The following AKAP13 variants were observed in gnomAD, a reference collection of about 807,000 sequenced individuals.
AKAP13 encodes the protein A-kinase anchoring protein 13, also known as A-kinase anchor protein 13.
Under a neutral mutation model 264.5 loss-of-function variants are expected in AKAP13, and 80 were observed. The ratio of observed to expected loss-of-function variants is 0.30; its 90% CI spans 0.25 to 0.36. The LOEUF (loss-of-function observed/expected upper bound fraction) is 0.36, where lower values mean the gene tolerates loss of function less well. AKAP13 is among the 10% of genes least tolerant of loss of function. The pLI, the probability that AKAP13 is intolerant of heterozygous loss-of-function variation, is 1.00. For missense variants in AKAP13, 3,712 were observed against 3,435.2 expected, an observed-to-expected ratio of 1.08 and a Z score of -2.01; for synonymous variants, 1,380 against 1,250.2, an observed-to-expected ratio of 1.10 and a Z score of -2.19.
rs1373883495 is a variant in AKAP13, at chr15:85,590,767, C to T, written c.4161+4944C>T. Among the ~76,000 whole-genome samples the T allele has an allele frequency of 3.9e-5, 6 of 152,300 alleles. No individual in the cohort carries two copies. In the East Asian group the frequency reaches 1.2e-3, roughly 29 times the overall value. ...ATTGCAATTTAATATTCATCATTAC[C>T]TCCACCTGTATGCTTTACTGGTTTG... On this transcript the variant is annotated intron_variant, in intron 8 of 36. Transcript: ENST00000394518.
At chr15:85,531,066 C>G (rs12708554) in intron 3 of AKAP13, among the ~76,000 whole-genome samples, 72,933 of 151,840 alleles carry the variant, frequency 0.48, 18,137 homozygotes, top group Middle Eastern at 0.6. Context: ...TTGCCATGTT[C>G]GCCAGGCTGG....
chr15:85,698,881 T>C (rs1597100961), intron 17 of AKAP13, among the ~76,000 whole-genome samples: 1 of 143,776 alleles, frequency 7.0e-6, no homozygotes, highest in Admixed American at 7.3e-5. Flanking sequence ...GAGGCAGAGG[T>C]TGCAGTGAGC....
At chr15:85,586,920 A>G (rs1380800835) in intron 8 of AKAP13, among the ~76,000 whole-genome samples, 8 of 111,176 alleles carry the variant, frequency 7.2e-5, no homozygotes, top group African/African-American at 2.8e-4. Flanking sequence ...AGAGCACGAC[A>G]CCTTCTCAAA....
chr15:85,663,211 A>G (rs374957414), intron 12 of AKAP13, among the ~76,000 whole-genome samples: 1 of 152,030 alleles, frequency 6.6e-6, no homozygotes, highest in East Asian at 1.9e-4. Context: ...CTGGGAGGCT[A>G]AGGCAGGAGA....
chr15:85,520,733 G>A (rs371606537), intron 2 of AKAP13: 13 of 518,718 alleles, frequency 2.5e-5, no homozygotes, highest in African/African-American at 2.3e-4. Context: ...AGTTGAACAT[G>A]TTCCAGGAGC....
chr15:85,687,305 C>T (rs2084993764), intron 16 of AKAP13, among the ~76,000 whole-genome samples: 1 of 152,150 alleles, frequency 6.6e-6, no homozygotes, highest in Non-Finnish European at 1.5e-5. Context: ...TGTTACTATA[C>T]AGCGTAATTT....
At chr15:85,535,301 T>A (rs2077353713) in intron 4 of AKAP13, 1 of 152,210 alleles carries the variant, frequency 6.6e-6, no homozygotes, top group Non-Finnish European at 1.5e-5. Flanking sequence ...ATTTAACAGT[T>A]AAACCTGTGG....
intron 2 of AKAP13, among the ~76,000 whole-genome samples, chr15:85,506,909 C>A (rs1291151312): frequency 6.6e-6 from 1 of 152,132 alleles, no homozygotes; most frequent in African/African-American, 2.4e-5. Context: ...TTGAATACAC[C>A]GTGTTTGTTC....
At chr15:85,413,305 T>A (rs1341830685) in intron 1 of AKAP13, among the ~76,000 whole-genome samples, 1 of 152,238 alleles carries the variant, frequency 6.6e-6, no homozygotes, top group Non-Finnish European at 1.5e-5. Flanking sequence ...ACTGGAAGAC[T>A]GTGGGCTTAG....
chr15:85,587,647 ATTTTATT>A (rs1286609697), intron 8 of AKAP13, among the ~76,000 whole-genome samples: 2 of 151,812 alleles, frequency 1.3e-5, no homozygotes, highest in Admixed American at 1.3e-4. Flanking sequence ...CTTTTATTTT[ATTTTATT>A]TTTTATTTTT....
At chr15:85,670,198 C>T (rs913424806) in intron 14 of AKAP13, among the ~76,000 whole-genome samples, 1 of 152,070 alleles carries the variant, frequency 6.6e-6, no homozygotes, top group Non-Finnish European at 1.5e-5. Context: ...ACGTCCAGTC[C>T]TCAAATGTTA....
chr15:85,711,451 G>A (rs758482731), intron 19 of AKAP13, among the ~76,000 whole-genome samples: 22 of 151,956 alleles, frequency 1.4e-4, no homozygotes, highest in Non-Finnish European at 2.8e-4. Context: ...TGAAAAAAAT[G>A]TATTATTTTG....
intron 1 of AKAP13, among the ~76,000 whole-genome samples, chr15:85,434,410 G>T (rs2073173188): frequency 6.6e-6 from 1 of 152,228 alleles, no homozygotes; most frequent in Non-Finnish European, 1.5e-5. Context: ...GCCCGCCATT[G>T]CCCAGGCTTG....
At chr15:85,414,868 A>C (rs1310818137) in intron 1 of AKAP13, among the ~76,000 whole-genome samples, 1 of 152,172 alleles carries the variant, frequency 6.6e-6, no homozygotes, top group African/African-American at 2.4e-5. Flanking sequence ...GATGTGACTA[A>C]AATGGTCTGG....
intron 8 of AKAP13, among the ~76,000 whole-genome samples, chr15:85,617,135 G>C (rs2080971047): frequency 6.6e-6 from 1 of 152,088 alleles, no homozygotes; most frequent in Non-Finnish European, 1.5e-5. Context: ...TATTTATTTT[G>C]CTTGCCTCCA....
At chr15:85,668,301 A>C (rs1223924574) in intron 13 of AKAP13, among the ~76,000 whole-genome samples, 1 of 152,210 alleles carries the variant, frequency 6.6e-6, no homozygotes, top group Non-Finnish European at 1.5e-5. Context: ...TCAATATGTG[A>C]GTCATAAGGA....
At chr15:85,552,708 A>G (rs1596504696) in intron 5 of AKAP13, among the ~76,000 whole-genome samples, 1 of 149,166 alleles carries the variant, frequency 6.7e-6, no homozygotes, top group South Asian at 2.1e-4. Context: ...GCTCACTGCA[A>G]CCTCCGCCTC....
chr15:85,659,563 G>A (rs2083245415), intron 12 of AKAP13, among the ~76,000 whole-genome samples: 1 of 152,152 alleles, frequency 6.6e-6, no homozygotes, highest in Non-Finnish European at 1.5e-5. Flanking sequence ...TGTTAAATAA[G>A]TTTTAACCCC....
chr15:85,710,514 C>G, intron 18 of AKAP13, 65 bp from the exon 19 acceptor site: 1 of 1,523,638 alleles, frequency 6.6e-7, no homozygotes, highest in South Asian at 1.2e-5. Flanking sequence ...TTGCTCCCTT[C>G]CTACTCGGCT....
Sources: allele counts gnomAD v4.1 joint callset (sites outside exome capture counted in the v4.1 genomes callset), GRCh38; gene constraint gnomAD v4.1.1; transcripts MANE v1.5; gene names NCBI Gene and HGNC (gene_info 2026-07-23, HGNC 2026-07-21).